Variants in UNC13B observed in about 807,000 individuals in gnomAD.
The protein encoded by UNC13B is unc-13 homolog B.
A neutral mutation model predicts 211.0 loss-of-function variants in UNC13B; 144 were observed. The observed-to-expected ratio is 0.68, with a 90% CI of 0.60 to 0.78. The LOEUF (loss-of-function observed/expected upper bound fraction) is 0.78, where lower values mean the gene tolerates loss of function less well. UNC13B is among the 30% of genes least tolerant of loss of function. UNC13B has a pLI of 0.00. For synonymous variants in UNC13B, 709 were observed against 725.8 expected (o/e 0.98, Z 0.37); for missense variants, 1,777 against 2,002.0 (o/e 0.89, Z 2.14).
rs1197422225 is a variant in UNC13B at position 35,290,272 on chromosome 9, C to T, written c.527-5424C>T. Among the ~76,000 whole-genome samples, 8 of 152,012 alleles carry T rather than the reference C, an allele frequency of 5.3e-5. No homozygotes were observed. The East Asian group carries it at 1.6e-3, about 30-fold the overall frequency. ...CCCAATAGGCTAGAGTGGTTTATTA[C>T]ATATTGTTTTAAGCCCCTTTCTGAT... On this transcript the variant is annotated intron_variant, in intron 7 of 39. Coordinates refer to ENST00000635942, the MANE Select transcript of UNC13B (RefSeq NM_001371189.2).
chr9:35,389,428 G>A (rs1248013594), intron 24 of UNC13B, among the ~76,000 whole-genome samples: 2 of 152,182 alleles, frequency 1.3e-5, no homozygotes, highest in South Asian at 2.1e-4. Context: ...GTGTGTGGTC[G>A]TGGTGTGCTG....
intron 1 of UNC13B, among the ~76,000 whole-genome samples, chr9:35,193,686 A>G (rs1822783200): frequency 6.7e-6 from 1 of 148,964 alleles, no homozygotes; most frequent in Admixed American, 6.7e-5. Flanking sequence ...AAAAGATTGT[A>G]GGGACTAAAT....
intron 10 of UNC13B, among the ~76,000 whole-genome samples, chr9:35,311,916 G>A (rs983732276): frequency 2.6e-5 from 4 of 152,140 alleles, no homozygotes; most frequent in South Asian, 2.1e-4. Flanking sequence ...GAGCTAAATC[G>A]GTTAGACTAG....
At chr9:35,192,347 T>C (rs1173445689) in intron 1 of UNC13B, among the ~76,000 whole-genome samples, 4 of 152,220 alleles carry the variant, frequency 2.6e-5, no homozygotes. Context: ...CTTTTCCCTT[T>C]TTGCTTATTA....
At chr9:35,244,202 G>A (rs1825960275) in intron 6 of UNC13B, among the ~76,000 whole-genome samples, 1 of 151,984 alleles carries the variant, frequency 6.6e-6, no homozygotes, top group Admixed American at 6.6e-5. Flanking sequence ...TAAAGAGAGA[G>A]AATAAGATAA....
intron 11 of UNC13B, among the ~76,000 whole-genome samples, chr9:35,357,197 C>G (rs547941610): frequency 6.6e-6 from 1 of 152,152 alleles, no homozygotes; most frequent in Non-Finnish European, 1.5e-5. Flanking sequence ...CATTCCCACC[C>G]GTAACATATG....
intron 1 of UNC13B, among the ~76,000 whole-genome samples, chr9:35,207,728 A>G (rs568220344): frequency 5.1e-4 from 77 of 152,124 alleles, no homozygotes; most frequent in African/African-American, 1.8e-3. Context: ...ATTGAATTGT[A>G]TGTGTTCTTT....
chr9:35,323,910 A>G (rs1219700528), intron 11 of UNC13B, among the ~76,000 whole-genome samples: 2 of 152,150 alleles, frequency 1.3e-5, no homozygotes, highest in Non-Finnish European at 2.9e-5. Context: ...TAGTACCTGC[A>G]TCACAGTTTT....
chr9:35,266,488 G>A (rs1313458841), intron 7 of UNC13B, among the ~76,000 whole-genome samples: 1 of 152,168 alleles, frequency 6.6e-6, no homozygotes, highest in Non-Finnish European at 1.5e-5. Flanking sequence ...ATCACTTGAG[G>A]CCAGCAGTTT....
chr9:35,228,477 C>A (rs1342239519), intron 2 of UNC13B, among the ~76,000 whole-genome samples: 1 of 151,794 alleles, frequency 6.6e-6, no homozygotes, highest in Non-Finnish European at 1.5e-5. Flanking sequence ...CTAATGCTAT[C>A]CCTCCCCCCG....
chr9:35,168,489 T>C (rs143945606), intron 1 of UNC13B, among the ~76,000 whole-genome samples: 1 of 152,314 alleles, frequency 6.6e-6, no homozygotes, highest in Non-Finnish European at 1.5e-5. Context: ...TGCTGTTTTC[T>C]TTGGCATATA....
At chr9:35,402,522 TC>T (rs970330625) in intron 37 of UNC13B, among the ~76,000 whole-genome samples, 2 of 151,772 alleles carry the variant, frequency 1.3e-5, no homozygotes, top group Non-Finnish European at 2.9e-5. Context: ...GACCTCGTGA[TC>T]CCCCCACCTC....
Position 35,304,075 on chromosome 9 carries a change from TG to T in UNC13B, c.4672del (p.Asp1558IlefsTer57), listed in dbSNP as rs1374381830. On this transcript the variant is annotated frameshift_variant, in exon 9 of 40. Coordinates refer to ENST00000635942, the MANE Select transcript of UNC13B (RefSeq NM_001371189.2). LOFTEE classifies it high-confidence loss of function. ...TGQYAYLFIP[D>X]SYQEYLDCDL... ...GGCAGTATGCATATTTATTTATACC[TG>T]ATTCTTATCAAGAGTATTTGGATTG... 1.0e-5 allele frequency: 4 copies of T among 398,708 alleles called. No individual in the cohort carries two copies. Among genetic ancestry groups the T allele is most frequent in the African/African-American group, 4.1e-5 (2 of 48,630 alleles). 24.7% of individuals were successfully genotyped at this position (398,708 alleles called of 1,614,324 possible). A position where few individuals can be genotyped will look rare whatever the true frequency, so the allele number is the denominator to read the frequency against.
chr9:35,381,371 A>G (rs1347807400), intron 19 of UNC13B, among the ~76,000 whole-genome samples, 156 bp downstream of exon 19: 1 of 152,230 alleles, frequency 6.6e-6, no homozygotes, highest in Non-Finnish European at 1.5e-5. Context: ...GACTGAACTC[A>G]GACTGCATTC....
chr9:35,219,988 T>C (rs1224093215), intron 1 of UNC13B, among the ~76,000 whole-genome samples: 1 of 152,210 alleles, frequency 6.6e-6, no homozygotes, highest in African/African-American at 2.4e-5. Flanking sequence ...TTTAATCCAT[T>C]TATAATTCAT....
At chr9:35,270,171 C>T (rs1284856997) in intron 7 of UNC13B, among the ~76,000 whole-genome samples, 1 of 152,132 alleles carries the variant, frequency 6.6e-6, no homozygotes, top group Admixed American at 6.5e-5. Flanking sequence ...AAATCAAGAT[C>T]TTGGCACTAG....
At chr9:35,253,499 C>T (rs192900370) in intron 6 of UNC13B, among the ~76,000 whole-genome samples, 1 of 151,846 alleles carries the variant, frequency 6.6e-6, no homozygotes, top group Non-Finnish European at 1.5e-5. Flanking sequence ...AAAAGGAAAC[C>T]CATGTGTATA....
chr9:35,332,823 C>G (rs1295309344), intron 11 of UNC13B, among the ~76,000 whole-genome samples: 1 of 152,142 alleles, frequency 6.6e-6, no homozygotes, highest in Non-Finnish European at 1.5e-5. Context: ...CATATATAAT[C>G]AACTTTGATG....
intron 6 of UNC13B, among the ~76,000 whole-genome samples, chr9:35,253,874 T>C (rs1826661984): frequency 6.6e-6 from 1 of 152,210 alleles, no homozygotes; most frequent in Non-Finnish European, 1.5e-5. Context: ...TTAGTAGATA[T>C]TACTAAATTG....
Sources: gnomAD v4.1 joint callset for allele counts (sites outside exome capture counted in the v4.1 genomes callset) on GRCh38, gnomAD v4.1.1 for gene constraint, MANE v1.5 for transcripts, NCBI Gene and HGNC (gene_info 2026-07-23, HGNC 2026-07-21) for gene names.